The following SPSB4 variants were observed in gnomAD, a reference collection of about 807,000 sequenced individuals.
SPSB4 encodes the protein splA/ryanodine receptor domain and SOCS box containing 4, also known as SPRY domain-containing SOCS box protein 4.
In SPSB4, 21 loss-of-function variants were observed where a neutral mutation model predicts 20.9. The observed-to-expected ratio is 1.01, with a 90% CI of 0.71 to 1.45. The LOEUF (loss-of-function observed/expected upper bound fraction) is 1.45. SPSB4 is among the 40% of genes most tolerant of loss of function. SPSB4 has a pLI of 0.00. For missense variants in SPSB4, 399 were observed against 399.2 expected (o/e 1.00, Z 0.00); for synonymous variants, 207 against 183.8 (o/e 1.13, Z -1.02).
At chr3:141,122,592 C>G (rs998086949) in intron 2 of SPSB4, among the ~76,000 whole-genome samples, 10 of 152,218 alleles carry the variant, frequency 6.6e-5, no homozygotes, top group Admixed American at 1.3e-4. Context: ...ATTTGAGCTT[C>G]CCAGCCTCTT....
intron 2 of SPSB4, among the ~76,000 whole-genome samples, chr3:141,075,836 CAGG>C (rs1342103573): frequency 7.0e-6 from 1 of 142,666 alleles, no homozygotes; most frequent in Non-Finnish European, 1.5e-5. Flanking sequence ...CACTTGAGGT[CAGG>C]AGTTCGAGAC....
chr3:141,126,782 G>A (rs1268208755), intron 2 of SPSB4, among the ~76,000 whole-genome samples: 19 of 152,342 alleles, frequency 1.2e-4, no homozygotes, highest in Non-Finnish European at 2.5e-4. Context: ...ATTCCTCTGT[G>A]AAAATAGAGC....
chr3:141,067,777 C>T (rs1178075052), intron 2 of SPSB4, among the ~76,000 whole-genome samples: 1 of 152,174 alleles, frequency 6.6e-6, no homozygotes, highest in East Asian at 1.9e-4. Flanking sequence ...GCACACTCCC[C>T]AACATCAGCC....
At chr3:141,068,606 C>T (rs891412359) in intron 2 of SPSB4, among the ~76,000 whole-genome samples, 4 of 152,166 alleles carry the variant, frequency 2.6e-5, no homozygotes, top group Admixed American at 6.5e-5. Context: ...TTAAGACTCA[C>T]TTTATTCATC....
chr3:141,078,762 G>C (rs562035822), intron 2 of SPSB4, among the ~76,000 whole-genome samples: 238 of 152,302 alleles, frequency 1.6e-3, no homozygotes, highest in Middle Eastern at 3.4e-3. Context: ...CAGGCCCTCC[G>C]CTGCAGTTCC....
chr3:141,061,435 C>A (rs1937759275), intron 1 of SPSB4, among the ~76,000 whole-genome samples: 1 of 151,856 alleles, frequency 6.6e-6, no homozygotes, highest in African/African-American at 2.4e-5. Context: ...AATTAATGAG[C>A]TTTATTTCTT....
chr3:141,071,852 A>G (rs1356305932), intron 2 of SPSB4, among the ~76,000 whole-genome samples: 1 of 152,216 alleles, frequency 6.6e-6, no homozygotes, highest in African/African-American at 2.4e-5. Flanking sequence ...TCTGCCAACA[A>G]GTATTTATTG....
chr3:141,088,021 C>G (rs1205640610), intron 2 of SPSB4, among the ~76,000 whole-genome samples: 1 of 152,176 alleles, frequency 6.6e-6, no homozygotes, highest in Non-Finnish European at 1.5e-5. Context: ...TGTTTAACAG[C>G]TGAGACACAG....
intron 2 of SPSB4, among the ~76,000 whole-genome samples, chr3:141,139,476 G>A (rs1939286691): frequency 6.6e-6 from 1 of 152,238 alleles, no homozygotes; most frequent in Non-Finnish European, 1.5e-5. Flanking sequence ...GCTGGTACCA[G>A]TTGTTCCTTT....
At chr3:141,075,018 C>T (rs1270623754) in intron 2 of SPSB4, among the ~76,000 whole-genome samples, 1 of 152,024 alleles carries the variant, frequency 6.6e-6, no homozygotes, top group African/African-American at 2.4e-5. Flanking sequence ...GGAGGCTTTG[C>T]CCAAGGTTAC....
intron 2 of SPSB4, among the ~76,000 whole-genome samples, chr3:141,087,075 C>T (rs1938358605): frequency 2.0e-5 from 3 of 152,220 alleles, no homozygotes; most frequent in Admixed American, 2.0e-4. Flanking sequence ...GACACGCGCA[C>T]AGCACAGAGG....
intron 2 of SPSB4, among the ~76,000 whole-genome samples, chr3:141,122,126 G>T (rs1159478667): frequency 6.6e-6 from 1 of 152,138 alleles, no homozygotes; most frequent in Non-Finnish European, 1.5e-5. Context: ...TGTTGATATT[G>T]ATGCTATTCC....
rs1348456045 is a variant in SPSB4 at position 141,065,980 on chromosome 3, G to A, written c.-125G>A. ...CTTGGGCCCCTGCCGCAGCCCGGTA[G>A]AGGCTGTGGAGGTCTACCGTCCGGA... On this transcript the variant is annotated 5_prime_UTR_variant, in exon 2 of 3. Coordinates refer to ENST00000310546, the MANE Select transcript of SPSB4 (RefSeq NM_080862.3). 22 of 862,608 alleles carry A rather than the reference G, an allele frequency of 2.6e-5. No homozygotes were observed. The highest frequency in any genetic ancestry group is 8.3e-6 in the Non-Finnish European group (5 of 601,748). 53.4% of individuals were successfully genotyped at this position (862,608 alleles called of 1,614,324 possible).
intron 2 of SPSB4, among the ~76,000 whole-genome samples, chr3:141,068,951 G>C (rs1261971761): frequency 6.6e-6 from 1 of 152,178 alleles, no homozygotes; most frequent in African/African-American, 2.4e-5. Flanking sequence ...GGGTCCTTCA[G>C]GTGGTTGAAC....
chr3:141,135,677 A>AT (rs1295916443), intron 2 of SPSB4, among the ~76,000 whole-genome samples: 1 of 151,960 alleles, frequency 6.6e-6, no homozygotes, highest in Non-Finnish European at 1.5e-5. Flanking sequence ...TGAACTCATC[A>AT]TTTTTTATGG....
intron 2 of SPSB4, among the ~76,000 whole-genome samples, chr3:141,067,780 C>T (rs1937919439): frequency 6.6e-6 from 1 of 152,204 alleles, no homozygotes; most frequent in South Asian, 2.1e-4. Context: ...CACTCCCCAA[C>T]ATCAGCCCAC....
At chr3:141,120,609 T>G (rs1308122570) in intron 2 of SPSB4, among the ~76,000 whole-genome samples, 1 of 152,220 alleles carries the variant, frequency 6.6e-6, no homozygotes, top group African/African-American at 2.4e-5. Context: ...ATTGGGTGCA[T>G]TTATATTTAG....
chr3:141,146,969 C>T (rs769324331), intron 2 of SPSB4, among the ~76,000 whole-genome samples, 173 bp from the exon 3 acceptor site: 10 of 152,090 alleles, frequency 6.6e-5, no homozygotes, highest in Non-Finnish European at 1.2e-4. Flanking sequence ...GTCTAATGAA[C>T]ACTCCTCTAG....
chr3:141,105,396 T>G (rs1376286539), intron 2 of SPSB4, among the ~76,000 whole-genome samples: 1 of 152,192 alleles, frequency 6.6e-6, no homozygotes, highest in East Asian at 1.9e-4. Flanking sequence ...ATTTCATTGG[T>G]AGATCTGCTT....
Sources: allele counts gnomAD v4.1 joint callset (sites outside exome capture counted in the v4.1 genomes callset), GRCh38; gene constraint gnomAD v4.1.1; transcripts MANE v1.5; gene names NCBI Gene and HGNC (gene_info 2026-07-23, HGNC 2026-07-21).